MUC12: variants seen among roughly 807,000 people sequenced by gnomAD.
The protein encoded by MUC12 is mucin-12.
MUC12 carries 172 observed loss-of-function variants against 230.8 expected under a neutral mutation model. The observed-to-expected ratio is 0.75, with a 90% CI of 0.66 to 0.85. The LOEUF (loss-of-function observed/expected upper bound fraction) is 0.85. Among genes scored for constraint, MUC12 ranks in the 40% least tolerant of loss-of-function variants. MUC12 has a pLI of 0.00. For missense variants in MUC12, 3,506 were observed against 5,920.6 expected, an observed-to-expected ratio of 0.59 and a Z score of 13.38; for synonymous variants, 1,259 against 2,401.9, an observed-to-expected ratio of 0.52 and a Z score of 13.91.
At position 101,005,386 on chromosome 7, in the gene MUC12, C is replaced by T. The variant is rs1218245888; in HGVS notation, c.14823C>T (p.Ser4941=). ...GEPTTFYISP[S]PTYTTLFPAS... is the part of the protein sequence containing the mutation. ...CTACAACTTTCTACATCAGCCCATC[C>T]CCTACTTACACAACACTCTTTCCTG... Residue 4941 remains serine (S), a synonymous_variant, in exon 2 of 12, where the codon TCC becomes TCT. Transcript: ENST00000536621. 1.2e-5 allele frequency: 18 copies of T among 1,537,842 alleles called. No homozygotes were observed. Among genetic ancestry groups the T allele is most frequent in the Non-Finnish European group, 1.4e-5 (16 of 1,147,040 alleles).
intron 1 of MUC12, among the ~76,000 whole-genome samples, chr7:100,984,691 G>A (rs1385233507): frequency 2.6e-5 from 4 of 152,088 alleles, no homozygotes; most frequent in African/African-American, 4.8e-5. Flanking sequence ...CTTGCGCATC[G>A]CCTCCATCTC....
At chr7:100,989,309 T>C (rs755185020) in intron 1 of MUC12, among the ~76,000 whole-genome samples, 8 of 152,004 alleles carry the variant, frequency 5.3e-5, no homozygotes, top group Non-Finnish European at 1.2e-4. Flanking sequence ...AGTTTCACAA[T>C]GATGCCTAGG....
At chr7:100,973,444 G>T (rs1414007867) in intron 1 of MUC12, among the ~76,000 whole-genome samples, 7 of 10,988 alleles carry the variant, frequency 6.4e-4, no homozygotes, top group Non-Finnish European at 1.1e-3. Flanking sequence ...CCTACTACAG[G>T]CTGAGGAGGT....
chr7:101,005,757 T>C (rs1387832590), intron 2 of MUC12, among the ~76,000 whole-genome samples: 1 of 151,942 alleles, frequency 6.6e-6, no homozygotes, highest in African/African-American at 2.4e-5. Context: ...TGGTTTTATT[T>C]ATGTATTTAT....
chr7:100,972,660 G>C (rs1792932156), intron 1 of MUC12, among the ~76,000 whole-genome samples: 1 of 152,034 alleles, frequency 6.6e-6, no homozygotes, highest in Non-Finnish European at 1.5e-5. Context: ...GCGCCAACAT[G>C]CTCAGCTAAT....
chr7:101,013,143 G>C lies in MUC12; in HGVS notation c.15638+1G>C, dbSNP rs771130497. On this transcript the variant is annotated splice_donor_variant, in intron 8 of 11. Transcript: ENST00000536621. LOFTEE classifies it high-confidence loss of function. ...TGCAACGCAGTGGCCCCCGCTGCCT[G>C]TGAGTGTCCCCATAAGCCCAGCACC... The C allele has an allele frequency of 1.3e-6, 2 of 1,537,244 alleles. No individual in the cohort carries two copies. Among genetic ancestry groups the C allele is most frequent in the Admixed American group, 2.0e-5 (1 of 51,002 alleles).
intron 1 of MUC12, among the ~76,000 whole-genome samples, chr7:100,989,100 T>TTC (rs1491128637): frequency 1.5e-4 from 14 of 92,966 alleles, no homozygotes; most frequent in African/African-American, 1.1e-4. Flanking sequence ...CCTCTTCTTC[T>TTC]TTTTTTTTTT....
At position 100,992,599 on chromosome 7, in the gene MUC12, C is replaced by A. The variant is rs200896835; in HGVS notation, c.2036C>A (p.Thr679Asn). Reference sequence around the variant, plus strand: ...ACCCACATTTCTGCCCGCTCCACAACCTCAGGCCTCGTTGAAGAATCTACG... The same window carrying A: ...ACCCACATTTCTGCCCGCTCCACAAACTCAGGCCTCGTTGAAGAATCTACG... The part of the protein sequence containing the change: ...PTTHISARST[T>N]SGLVEESTTY... Residue 679 changes from threonine to asparagine, a missense_variant, in exon 2 of 12, where the codon ACC (threonine) becomes AAC (asparagine). Transcript: ENST00000536621. The A allele has an allele frequency of 3.4e-3, 5,303 of 1,537,228 alleles. 13 individuals carry two copies. Among genetic ancestry groups the A allele is most frequent in the Non-Finnish European group, 4.2e-3 (4,832 of 1,146,430 alleles).
Position 101,005,397 on chromosome 7 carries a change from C to G in MUC12, c.14834C>G (p.Thr4945Arg). The stretch of plus-strand genomic sequence containing the variant: ...TACATCAGCCCATCCCCTACTTACA[C>G]AACACTCTTTCCTGCGAGTTCCAGC... ...TFYISPSPTY[T>R]TLFPASSSTS... Residue 4945 changes from threonine to arginine, a missense_variant, in exon 2 of 12, where the codon ACA (threonine) becomes AGA (arginine). Transcript: ENST00000536621. 6.5e-7 allele frequency: 1 copy of G among 1,537,888 alleles called. No individual in the cohort carries two copies. Among genetic ancestry groups the G allele is most frequent in the Non-Finnish European group, 8.7e-7 (1 of 1,147,056 alleles).
chr7:100,972,253 A>G, intron 1 of MUC12: 1 of 701,472 alleles, frequency 1.4e-6, no homozygotes, highest in Non-Finnish European at 2.6e-6. Context: ...GCCTGGGTCC[A>G]CACAGCAAAT....
At position 100,991,069 on chromosome 7, in the gene MUC12, A is replaced by G. The variant is rs1367097367; in HGVS notation, c.506A>G (p.His169Arg). The change falls in exon 2 of 12, where the codon CAC (histidine) becomes CGC (arginine). Residue 169 changes from histidine to arginine, a missense_variant. Physicochemically the swap from His to Arg is conservative, Grantham distance 29. Coordinates refer to ENST00000536621, the MANE Select transcript of MUC12 (RefSeq NM_001164462.2). ...GTCAGTGAAAAATCAACCACCTCCCACAGCCGACCAGGCCCAACGCACACA... is the reference window on the plus strand; with the variant it reads ...GTCAGTGAAAAATCAACCACCTCCCGCAGCCGACCAGGCCCAACGCACACA... ...SGVSEKSTTS[H>R]SRPGPTHTIA... 6.5e-7 allele frequency: 1 copy of G among 1,537,558 alleles called. No homozygotes were observed. Among genetic ancestry groups the G allele is most frequent in the South Asian group, 1.2e-5 (1 of 84,032 alleles).
At chr7:101,017,461 A>C in intron 10 of MUC12, 114 bp from the exon 11 acceptor site, 1 of 673,244 alleles carries the variant, frequency 1.5e-6, no homozygotes, top group Admixed American at 2.7e-5. Context: ...GCAGTGGGAA[A>C]GGGCGTAGGG....
rs369253572 is a variant in MUC12, at chr7:100,991,906, C to A, written c.1343C>A (p.Ala448Glu). 5.2e-5 allele frequency: 80 copies of A among 1,536,838 alleles called. No individual in the cohort carries two copies. The African/African-American group carries it at 1.1e-3, about 20-fold the overall frequency. The stretch of plus-strand genomic sequence containing the variant: ...TCCCACAGCAGCCCAGATGCAATGG[C>A]AACAACAGTCTTACCTGCCGGCTCT... ...KASHSSPDAM[A>E]TTVLPAGSTP... The change falls in exon 2 of 12, where the codon GCA becomes GAA. Residue 448 changes from alanine (A) to glutamate (E), a missense_variant. Coordinates refer to ENST00000536621, the MANE Select transcript of MUC12 (RefSeq NM_001164462.2).
rs1361863480 is a variant in MUC12 at position 101,005,073 on chromosome 7, C to T, written c.14510C>T (p.Ser4837Leu). ...SQPGSALSTV[S>L]PASTTVPGLS... The stretch of plus-strand genomic sequence containing the variant: ...CCAGGCTCAGCTCTGTCAACAGTGT[C>T]ACCTGCCAGCACCACAGTGCCAGGC... Residue 4837 changes from serine (S) to leucine (L), a missense_variant, in exon 2 of 12, where the codon TCA becomes TTA. Ser to Leu is a moderately radical substitution (Grantham distance 145, BLOSUM62 -2). Coordinates refer to ENST00000536621, the MANE Select transcript of MUC12 (RefSeq NM_001164462.2). The T allele has an allele frequency of 1.3e-6, 2 of 1,537,850 alleles. No individual in the cohort carries two copies. The highest frequency in any genetic ancestry group is 2.4e-5 in the East Asian group (1 of 40,914).
At chr7:100,969,748 C>T in intron 1 of MUC12, 59 bp downstream of exon 1, 2 of 1,533,344 alleles carry the variant, frequency 1.3e-6, no homozygotes, top group Middle Eastern at 1.7e-4. Context: ...ATAGTACATG[C>T]CCCTGCCTCA....
In MUC12 at chr7:101,008,731, C is replaced by A. The variant is rs558713397; in HGVS notation, c.15156C>A (p.Tyr5052Ter). 6.5e-7 allele frequency: 1 copy of A among 1,537,208 alleles called. No homozygotes were observed. Among genetic ancestry groups the A allele is most frequent in the South Asian group, 1.2e-5 (1 of 84,052 alleles). Reference protein sequence around the residue: ...EKMNDASSQEYQNFSTLFKNR... With the variant: ...EKMNDASSQE ...TGAATGACGCATCCTCCCAGGAATA[C>A]CAGAACTTCAGTACCCTCTTCAAGA... Residue 5052 changes from tyrosine (Y) to a stop codon, truncating the protein, a stop_gained, in exon 4 of 12, where the codon TAC (tyrosine) becomes TAA (stop). Transcript: ENST00000536621. LOFTEE classifies it high-confidence loss of function.
chr7:101,013,852 C>A lies in MUC12; in HGVS notation c.15639-61C>A. On this transcript the variant is annotated intron_variant, in intron 8 of 11. Transcript: ENST00000536621. ...CCTGTGCTTAGGAGAGTGGGTTAAC[C>A]CTTGGGATATTGGATGTGAGGGATC... The A allele has an allele frequency of 2.7e-6, 4 of 1,482,914 alleles. No individual in the cohort carries two copies. The South Asian group carries it at 4.0e-5, about 15-fold the overall frequency. The allele number at this position is 1,482,914 out of a possible 1,614,324, so 91.9% of individuals were successfully genotyped here.
At chr7:101,008,816 TTGGGGG>T (rs1460014493) in intron 4 of MUC12, 55 bp downstream of exon 4, 4 of 1,504,538 alleles carry the variant, frequency 2.7e-6, no homozygotes, top group Admixed American at 2.1e-5. Flanking sequence ...TGAGAGGAAA[TTGGGGG>T]GTGCACCCCA....
rs868819985 is a variant in MUC12 at position 101,014,169 on chromosome 7, G to C, written c.15800+95G>C. The stretch of plus-strand genomic sequence containing the variant: ...TGTCCTAAGGCTCTGCTCCTTCCAG[G>C]CCAGCAATCAGAGAGGTCAGCTGAG... On this transcript the variant is annotated intron_variant, in intron 9 of 11. Transcript: ENST00000536621. 27 of 1,368,632 alleles carry C rather than the reference G, an allele frequency of 2.0e-5. No homozygotes were observed. The African/African-American group carries it at 3.1e-4, about 16-fold the overall frequency. 84.8% of individuals were successfully genotyped at this position (1,368,632 alleles called of 1,614,324 possible). A position where few individuals can be genotyped will look rare whatever the true frequency, so the allele number is the denominator to read the frequency against.
Sources: allele counts gnomAD v4.1 joint callset (sites outside exome capture counted in the v4.1 genomes callset), GRCh38; gene constraint gnomAD v4.1.1; transcripts MANE v1.5; gene names NCBI Gene and HGNC (gene_info 2026-07-23, HGNC 2026-07-21).